POU2F3: variants seen among roughly 807,000 people sequenced by gnomAD.
POU2F3 encodes POU domain, class 2, transcription factor 3.
Under a neutral mutation model 59.2 loss-of-function variants are expected in POU2F3, and 23 were observed. That is an observed-to-expected ratio of 0.39 (90% CI 0.28 to 0.55). The LOEUF is 0.55. POU2F3 is among the 20% of genes least tolerant of loss of function. POU2F3 has a pLI of 0.66. For missense variants in POU2F3, 473 were observed against 544.5 expected (o/e 0.87, Z 1.31); for synonymous variants, 190 against 214.6 (o/e 0.89, Z 1.00).
chr11:120,292,932 A>C (rs1236574497), intron 3 of POU2F3, among the ~76,000 whole-genome samples: 1 of 152,252 alleles, frequency 6.6e-6, no homozygotes, highest in East Asian at 1.9e-4. Context: ...ATGTGTCAGC[A>C]CTAGCAATGC....
chr11:120,300,292 G>C (rs1941310756), intron 5 of POU2F3, among the ~76,000 whole-genome samples: 1 of 152,292 alleles, frequency 6.6e-6, no homozygotes, highest in South Asian at 2.1e-4. Context: ...GATGTGCCAG[G>C]AGCTCTTCTG....
chr11:120,278,841 A>G (rs977014539), intron 3 of POU2F3, among the ~76,000 whole-genome samples: 22 of 152,358 alleles, frequency 1.4e-4, no homozygotes, highest in Non-Finnish European at 2.4e-4. Context: ...GCAGCAAACC[A>G]TCATGGCACG....
intron 11 of POU2F3, among the ~76,000 whole-genome samples, chr11:120,316,007 G>T (rs1173538881): frequency 6.6e-6 from 1 of 152,054 alleles, no homozygotes; most frequent in East Asian, 1.9e-4. Flanking sequence ...CGAGTAACTG[G>T]GATTACAGGC....
At chr11:120,316,249 T>A (rs1456608147) in intron 11 of POU2F3, among the ~76,000 whole-genome samples, 2 of 152,136 alleles carry the variant, frequency 1.3e-5, no homozygotes, top group Non-Finnish European at 2.9e-5. Context: ...TAGAACACAG[T>A]TTGGGAAACA....
At chr11:120,279,617 T>G (rs1274782793) in intron 3 of POU2F3, among the ~76,000 whole-genome samples, 1 of 152,214 alleles carries the variant, frequency 6.6e-6, no homozygotes, top group African/African-American at 2.4e-5. Flanking sequence ...GTGTTTGTTT[T>G]TGGAGAGGTG....
At chr11:120,249,598 C>G (rs577332075) in intron 2 of POU2F3, among the ~76,000 whole-genome samples, 1 of 152,238 alleles carries the variant, frequency 6.6e-6, no homozygotes, top group African/African-American at 2.4e-5. Flanking sequence ...ATTTCAAAAG[C>G]CCCCAGGTCT....
chr11:120,308,893 C>T (rs568529882), intron 9 of POU2F3, among the ~76,000 whole-genome samples: 22 of 133,430 alleles, frequency 1.6e-4, no homozygotes, highest in African/African-American at 2.6e-4. Context: ...GAGCGGAGAT[C>T]GCGCCACTGC....
intron 3 of POU2F3, among the ~76,000 whole-genome samples, chr11:120,274,108 A>AAGG (rs1940212417): frequency 5.0e-4 from 58 of 116,228 alleles, no homozygotes; most frequent in Admixed American, 2.2e-3. Context: ...AGGAAGGAAG[A>AAGG]AAGGAAGGAA....
chr11:120,242,963 C>T (rs1938726183), intron 1 of POU2F3, among the ~76,000 whole-genome samples: 1 of 152,138 alleles, frequency 6.6e-6, no homozygotes, highest in African/African-American at 2.4e-5. Flanking sequence ...GGCGGGGGCA[C>T]ACCTGGTTTG....
upstream of POU2F3, among the ~76,000 whole-genome samples, chr11:120,236,859 A>G (rs1938516842): frequency 1.3e-5 from 2 of 152,168 alleles, no homozygotes; most frequent in Admixed American, 6.5e-5. Context: ...TCTAAGCCTC[A>G]GGGCACATGA....
rs1591433158 is a variant in POU2F3 at position 120,299,534 on chromosome 11, A to G, written c.259-90A>G. The G allele has an allele frequency of 5.3e-6, 6 of 1,141,408 alleles. No homozygotes were observed. The South Asian group carries it at 7.4e-5, about 14-fold the overall frequency. 70.7% of individuals were successfully genotyped at this position (1,141,408 alleles called of 1,614,324 possible). ...CAGCCTGCAAAGTCTCTGAGTCTGG[A>G]GACCCCTGGGACGGACGAGTGGCAG... On this transcript the variant is annotated intron_variant, in intron 4 of 12. Transcript: ENST00000543440.
chr11:120,261,121 T>G (rs188602647), intron 2 of POU2F3, among the ~76,000 whole-genome samples: 1 of 140,796 alleles, frequency 7.1e-6, no homozygotes. Flanking sequence ...AAGAAAACAG[T>G]GCTTTGGGGT....
chr11:120,273,247 C>A lies in POU2F3; in HGVS notation c.132+4003C>A, dbSNP rs145741238. Among the ~76,000 whole-genome samples, 411 of 152,286 alleles carry A rather than the reference C, an allele frequency of 2.7e-3. 1 individual carries two copies. The highest frequency in any genetic ancestry group is 9.4e-3 in the African/African-American group (392 of 41,564). On this transcript the variant is annotated intron_variant, in intron 3 of 12. Coordinates refer to ENST00000543440, the MANE Select transcript of POU2F3 (RefSeq NM_014352.4). ...CTGGATCTAGGACCATCCATTCAACCTTTGAATATGCAGCCATTCTTAAGT... is the reference window on the plus strand; with the variant it reads ...CTGGATCTAGGACCATCCATTCAACATTTGAATATGCAGCCATTCTTAAGT...
At chr11:120,284,248 C>G (rs1422791676) in intron 3 of POU2F3, among the ~76,000 whole-genome samples, 1 of 152,190 alleles carries the variant, frequency 6.6e-6, no homozygotes, top group Non-Finnish European at 1.5e-5. Context: ...ACCTCTCCAC[C>G]TGCCTATCAC....
rs185686517 is a variant in POU2F3 at position 120,304,898 on chromosome 11, A to G, written c.445-132A>G. 137 of 664,088 alleles carry G rather than the reference A, an allele frequency of 2.1e-4. 1 individual carries two copies. In the East Asian group the frequency reaches 2.4e-3, roughly 12 times the overall value. 41.1% of individuals were successfully genotyped at this position (664,088 alleles called of 1,614,324 possible). A position where few individuals can be genotyped will look rare whatever the true frequency, so the allele number is the denominator to read the frequency against. ...AAAAATATAAGACTCCAATGTACCC[A>G]GGGTGTATCCAGGGATCTGTCATCC... On this transcript the variant is annotated intron_variant, in intron 6 of 12. Coordinates refer to ENST00000543440, the MANE Select transcript of POU2F3 (RefSeq NM_014352.4).
intron 2 of POU2F3, among the ~76,000 whole-genome samples, chr11:120,263,437 A>G (rs1286531049): frequency 1.3e-5 from 2 of 152,312 alleles, no homozygotes; most frequent in Non-Finnish European, 1.5e-5. Context: ...GAGCCTACCA[A>G]ATATTTTCTA....
At position 120,305,039 on chromosome 11, in the gene POU2F3, C is replaced by T. The variant is rs202027996; in HGVS notation, c.454C>T (p.His152Tyr). ...GPGLASQAFG[H>Y]PGLPGSSLEP... Reference sequence around the variant, plus strand: ...GCGTGTTTCCTATCAGGCATTTGGGCACCCTGGGCTGCCAGGATCCTCTTT... The same window carrying T: ...GCGTGTTTCCTATCAGGCATTTGGGTACCCTGGGCTGCCAGGATCCTCTTT... Residue 152 changes from histidine (H) to tyrosine (Y), a missense_variant, in exon 7 of 13, where the codon CAC (histidine) becomes TAC (tyrosine). Transcript: ENST00000543440. 139 of 1,602,208 alleles carry T rather than the reference C, an allele frequency of 8.7e-5. 2 individuals carry two copies. In the East Asian group the frequency reaches 9.2e-4, roughly 11 times the overall value.
At chr11:120,279,316 T>C (rs1448556206) in intron 3 of POU2F3, among the ~76,000 whole-genome samples, 1 of 152,172 alleles carries the variant, frequency 6.6e-6, no homozygotes, top group Non-Finnish European at 1.5e-5. Context: ...AGAGTATCTA[T>C]TTCCTAGGGA....
intron 2 of POU2F3, among the ~76,000 whole-genome samples, chr11:120,268,872 T>C (rs974872172): frequency 2.6e-5 from 4 of 152,096 alleles, no homozygotes; most frequent in Admixed American, 2.0e-4. Context: ...GCAGCTGCCA[T>C]CTGAGGGGGA....
Sources: allele counts gnomAD v4.1 joint callset (sites outside exome capture counted in the v4.1 genomes callset), GRCh38; gene constraint gnomAD v4.1.1; transcripts MANE v1.5; gene names NCBI Gene and HGNC (gene_info 2026-07-23, HGNC 2026-07-21).